The following OGFOD3 variants were observed in gnomAD, a reference collection of about 807,000 sequenced individuals.
OGFOD3 encodes 2-oxoglutarate and iron-dependent oxygenase domain-containing protein 3.
OGFOD3 carries 35 observed loss-of-function variants against 39.8 expected under a neutral mutation model. The ratio of observed to expected loss-of-function variants is 0.88; its 90% confidence interval spans 0.67 to 1.17. The LOEUF (loss-of-function observed/expected upper bound fraction) is 1.17, where lower values mean the gene tolerates loss of function less well. Ranked by LOEUF, OGFOD3 falls within the 50% of genes most tolerant of loss-of-function variation. The pLI is 0.00. For synonymous variants in OGFOD3, 200 were observed against 192.0 expected, an observed-to-expected ratio of 1.04 and a Z score of -0.34; for missense variants, 438 against 454.5, an observed-to-expected ratio of 0.96 and a Z score of 0.33.
chr17:82,401,620 A>G (rs990970185), intron 7 of OGFOD3, among the ~76,000 whole-genome samples: 1 of 149,656 alleles, frequency 6.7e-6, no homozygotes, highest in Non-Finnish European at 1.5e-5. Flanking sequence ...CCTGGCTAAC[A>G]TGGTGAAACC....
At chr17:82,416,489 C>T (rs551346765) in intron 1 of OGFOD3, among the ~76,000 whole-genome samples, 14 of 152,108 alleles carry the variant, frequency 9.2e-5, no homozygotes, top group Admixed American at 6.5e-5. Context: ...CAGGTTATTC[C>T]ATCAGGGCCG....
chr17:82,409,526 T>A, intron 3 of OGFOD3, 116 bp from the exon 4 acceptor site: 1 of 930,964 alleles, frequency 1.1e-6, no homozygotes, highest in African/African-American at 1.6e-5. Flanking sequence ...GTGTTTAATG[T>A]TTATGATGTA....
chr17:82,414,953 C>G (rs2143296261), intron 2 of OGFOD3, among the ~76,000 whole-genome samples: 1 of 152,268 alleles, frequency 6.6e-6, no homozygotes, highest in East Asian at 1.9e-4. Flanking sequence ...GCTCCAGGCT[C>G]TGGGCTGCCC....
intron 8 of OGFOD3, chr17:82,394,644 G>A (rs62079524): frequency 0.31 from 271,747 of 879,546 alleles, 44,945 homozygotes; most frequent in Non-Finnish European, 0.35. Context: ...CCTTTGCCCC[G>A]GCTCCCAGGG....
intron 8 of OGFOD3, among the ~76,000 whole-genome samples, chr17:82,394,903 C>A (rs879618487): frequency 1.3e-5 from 2 of 152,244 alleles, no homozygotes; most frequent in Admixed American, 1.3e-4. Context: ...CCCCGAATAT[C>A]ATCACACATC....
intron 1 of OGFOD3, among the ~76,000 whole-genome samples, chr17:82,417,866 C>G (rs2053093648): frequency 6.6e-6 from 1 of 152,130 alleles, no homozygotes; most frequent in Non-Finnish European, 1.5e-5. Flanking sequence ...ATATTAATAT[C>G]AAGCAAGCGA....
chr17:82,409,333 T>TA, intron 4 of OGFOD3, 35 bp downstream of exon 4: 3 of 1,607,904 alleles, frequency 1.9e-6, no homozygotes, highest in South Asian at 1.1e-5. Flanking sequence ...AGTTAACGGG[T>TA]AAAAAAAGGG....
At chr17:82,412,026 G>C (rs74001677) in intron 2 of OGFOD3, among the ~76,000 whole-genome samples, 3,082 of 71,066 alleles carry the variant, frequency 0.043, 108 homozygotes, top group African/African-American at 0.13. Context: ...GAGACCACCA[G>C]AGAGGAAGAC....
intron 2 of OGFOD3, among the ~76,000 whole-genome samples, chr17:82,411,892 A>G (rs758692116): frequency 6.6e-6 from 1 of 152,174 alleles, no homozygotes; most frequent in African/African-American, 2.4e-5. Context: ...AGACCACCAG[A>G]GCAGAAAACC....
Position 82,392,814 on chromosome 17 carries a change from C to A in OGFOD3, c.824-280G>T. Reference sequence around the variant, plus strand: ...GAGGAAGATGCTGCAGATGAGGCCACCACTGGCTCCAGACACCCCAGGTCA... The same window carrying A: ...GAGGAAGATGCTGCAGATGAGGCCAACACTGGCTCCAGACACCCCAGGTCA... On this transcript the variant is annotated intron_variant, in intron 8 of 8. Transcript: ENST00000313056. The surrounding 1 kb of genome is among the most constrained non-coding windows in gnomAD (Gnocchi z 4.2). 2.3e-6 allele frequency: 1 copy of A among 442,088 alleles called. No homozygotes were observed. The highest frequency in any genetic ancestry group is 4.0e-5 in the East Asian group (1 of 25,096). 27.4% of individuals were successfully genotyped at this position (442,088 alleles called of 1,614,324 possible).
In OGFOD3 at chr17:82,394,405, G is replaced by GC. The variant is rs766188196; in HGVS notation, c.824-1872dup. On this transcript the variant is annotated intron_variant, in intron 8 of 8. Coordinates refer to ENST00000313056, the MANE Select transcript of OGFOD3 (RefSeq NM_024648.3). ...AGCAATGCTCTCAGCTTCCAGAATC[G>GC]CATGTGTCTCTCCCCTCTCGGGCGG... 25 of 1,609,186 alleles carry GC rather than the reference G, an allele frequency of 1.6e-5. No homozygotes were observed. The Middle Eastern group carries it at 5.0e-4, about 32-fold the overall frequency.
chr17:82,398,467 TC>T, intron 7 of OGFOD3, 148 bp from the exon 8 acceptor site: 1 of 931,146 alleles, frequency 1.1e-6, no homozygotes, highest in Non-Finnish European at 1.6e-6. Flanking sequence ...TGATGCGATC[TC>T]GGCTCACTGC....
intron 3 of OGFOD3, among the ~76,000 whole-genome samples, chr17:82,410,589 C>T (rs1213883156): frequency 6.6e-6 from 1 of 152,176 alleles, no homozygotes; most frequent in Non-Finnish European, 1.5e-5. Flanking sequence ...CAGAGGCGGC[C>T]ACAACCCCTG....
chr17:82,403,789 C>T (rs769131632), intron 7 of OGFOD3, 148 bp downstream of exon 7: 67 of 1,071,824 alleles, frequency 6.3e-5, no homozygotes, highest in Middle Eastern at 5.8e-4. Context: ...TGCGTACTCA[C>T]CCTGCCCACG....
Position 82,389,893 on chromosome 17 carries a change from C to A in OGFOD3, c.*2505G>T, listed in dbSNP as rs964853085. The A allele has an allele frequency of 1.3e-5, 2 of 152,000 alleles. No homozygotes were observed. The highest frequency in any genetic ancestry group is 2.9e-5 in the Non-Finnish European group (2 of 68,014). 9.4% of individuals were successfully genotyped at this position (152,000 alleles called of 1,614,324 possible). A position where few individuals can be genotyped will look rare whatever the true frequency, so the allele number is the denominator to read the frequency against. On this transcript the variant is annotated 3_prime_UTR_variant, in exon 9 of 9. Coordinates refer to ENST00000313056, the MANE Select transcript of OGFOD3 (RefSeq NM_024648.3). The surrounding 1 kb of genome is among the most constrained non-coding windows in gnomAD (Gnocchi z 4.6). ...AAAATTAGCCGGGCATGGTGGCGGG[C>A]GCCTGTAGTCCCAGCTACTCGGGAG... is the stretch of plus-strand genomic sequence containing the variant.
chr17:82,408,729 A>G (rs1567872654), intron 4 of OGFOD3, among the ~76,000 whole-genome samples: 1 of 152,172 alleles, frequency 6.6e-6, no homozygotes, highest in Non-Finnish European at 1.5e-5. Flanking sequence ...TCTGTCTCCT[A>G]TAGGCACTTG....
chr17:82,418,035 C>T (rs1000862756), intron 1 of OGFOD3, among the ~76,000 whole-genome samples: 10 of 152,204 alleles, frequency 6.6e-5, no homozygotes, highest in African/African-American at 2.4e-4. Context: ...AAAGTGAAGG[C>T]GGAGGCACGC....
rs117380634 is a variant in OGFOD3, at chr17:82,408,995, G to A, written c.423+373C>T. ...TCCCACGGAGGCCCTGCTGTTTCCC[G>A]GCAGCTCCACGGGCTCTCCTGTGTC... is the stretch of plus-strand genomic sequence containing the variant. On this transcript the variant is annotated intron_variant, in intron 4 of 8. Coordinates refer to ENST00000313056, the MANE Select transcript of OGFOD3 (RefSeq NM_024648.3). Among the ~76,000 whole-genome samples, 47 of 152,256 alleles carry A rather than the reference G, an allele frequency of 3.1e-4. No individual in the cohort carries two copies. The East Asian group carries it at 7.3e-3, about 24-fold the overall frequency.
rs748641988 is a variant in OGFOD3 at position 82,404,142 on chromosome 17, C to T, written c.546-52G>A. On this transcript the variant is annotated intron_variant, in intron 6 of 8. Transcript: ENST00000313056. The surrounding 1 kb of genome is among the most constrained non-coding windows in gnomAD (Gnocchi z 4.5). ...GCAGCCCCAGGCGGGAGGGGACGCT[C>T]GTGGGTCCCAACCCGTGGGTGGCAG... 4 of 1,508,870 alleles carry T rather than the reference C, an allele frequency of 2.7e-6. No homozygotes were observed. The highest frequency in any genetic ancestry group is 2.6e-5 in the South Asian group (2 of 76,544). 93.5% of individuals were successfully genotyped at this position (1,508,870 alleles called of 1,614,324 possible).
Sources: gnomAD v4.1 joint callset for allele counts (sites outside exome capture counted in the v4.1 genomes callset) on GRCh38, gnomAD v4.1.1 for gene constraint, Gnocchi (gnomAD v3.1) non-coding constraint, MANE v1.5 for transcripts, NCBI Gene and HGNC (gene_info 2026-07-23, HGNC 2026-07-21) for gene names.